IL1RAPL2: variants seen among roughly 807,000 people sequenced by gnomAD.
IL1RAPL2 encodes X-linked interleukin-1 receptor accessory protein-like 2.
Under a neutral mutation model 44.1 loss-of-function variants are expected in IL1RAPL2, and 3 were observed. That is an observed-to-expected ratio of 0.07 (90% CI 0.03 to 0.18). The LOEUF is 0.18. Among genes scored for constraint, IL1RAPL2 ranks in the 10% least tolerant of loss-of-function variants. The pLI, the probability that IL1RAPL2 is intolerant of heterozygous loss-of-function variation, is 1.00. For missense variants in IL1RAPL2, 391 were observed against 496.4 expected (o/e 0.79, Z 2.02); for synonymous variants, 181 against 178.8 (o/e 1.01, Z -0.10).
intron 2 of IL1RAPL2, among the ~76,000 whole-genome samples, chrX:105,042,429 A>C (rs2031761002): frequency 9.1e-6 from 1 of 109,723 alleles, no homozygotes; most frequent in Non-Finnish European, 1.9e-5. Flanking sequence ...ATATGAACAG[A>C]CACTTCTCAA....
chrX:104,744,281 A>C (rs1932138436), intron 2 of IL1RAPL2, among the ~76,000 whole-genome samples: 1 of 111,671 alleles, frequency 9.0e-6, no homozygotes, highest in African/African-American at 3.3e-5. Flanking sequence ...GAATGCATTT[A>C]AATATTTATG....
intron 2 of IL1RAPL2, among the ~76,000 whole-genome samples, chrX:105,089,791 G>A (rs2032521396): frequency 8.9e-6 from 1 of 111,756 alleles, no homozygotes; most frequent in African/African-American, 3.2e-5. Flanking sequence ...GAAAGAGTAA[G>A]TGTCTTGTCT....
intron 6 of IL1RAPL2, among the ~76,000 whole-genome samples, chrX:105,532,997 C>T (rs1421233187): frequency 9.1e-6 from 1 of 110,147 alleles, no homozygotes; most frequent in Non-Finnish European, 1.9e-5. Flanking sequence ...CGAGACCAGC[C>T]TGGCCAATAT....
intron 2 of IL1RAPL2, among the ~76,000 whole-genome samples, chrX:105,192,985 TA>T (rs1201323317): frequency 8.9e-6 from 1 of 111,733 alleles, no homozygotes; most frequent in African/African-American, 3.3e-5. Flanking sequence ...GTCTGCATGA[TA>T]AAACTAATTG....
In IL1RAPL2 at chrX:105,670,105, GTATATATATATATATATATATATATA is replaced by G. The variant is rs1171872748; in HGVS notation, c.773-47244_773-47219del. ...GTGTGGCTCTATTTCTGGGTTTCCT[GTATATATATATATATATATATATATA>G]TATATATATATATATATCTCCACCA... On this transcript the variant is annotated intron_variant, in intron 6 of 10. Coordinates refer to ENST00000372582, the MANE Select transcript of IL1RAPL2 (RefSeq NM_017416.2). Among the ~76,000 whole-genome samples the G allele has an allele frequency of 2.6e-3, 30 of 11,684 alleles. 1 individual carries two copies. Among genetic ancestry groups the G allele is most frequent in the Non-Finnish European group, 4.1e-3 (21 of 5,177 alleles). 10.1% of individuals were successfully genotyped at this position (11,684 alleles called of 115,157 possible).
intron 5 of IL1RAPL2, among the ~76,000 whole-genome samples, chrX:105,273,906 GAAAT>G (rs1178425146): frequency 8.9e-6 from 1 of 111,738 alleles, no homozygotes; most frequent in Non-Finnish European, 1.9e-5. Context: ...AATTTATAGA[GAAAT>G]AAACTAAAAC....
At chrX:105,660,725 G>T (rs1187287830) in intron 6 of IL1RAPL2, among the ~76,000 whole-genome samples, 1 of 110,470 alleles carries the variant, frequency 9.1e-6, no homozygotes, top group African/African-American at 3.3e-5. Context: ...AAATAACAGG[G>T]TATAAGATAT....
chrX:105,042,838 A>G (rs1299266397), intron 2 of IL1RAPL2, among the ~76,000 whole-genome samples: 6 of 107,923 alleles, frequency 5.6e-5, no homozygotes. Flanking sequence ...CAAATGTCCA[A>G]CAATGATAGA....
At chrX:104,810,381 T>C (rs1932966175) in intron 2 of IL1RAPL2, among the ~76,000 whole-genome samples, 1 of 110,629 alleles carries the variant, frequency 9.0e-6, no homozygotes, top group African/African-American at 3.3e-5. Context: ...AACCTGCACA[T>C]TGTGCACATG....
At chrX:105,539,072 A>G (rs1192950033) in intron 6 of IL1RAPL2, among the ~76,000 whole-genome samples, 2 of 111,440 alleles carry the variant, frequency 1.8e-5, no homozygotes, top group African/African-American at 3.3e-5. Flanking sequence ...TTCCATGCTC[A>G]TGGACTGGAA....
intron 2 of IL1RAPL2, among the ~76,000 whole-genome samples, chrX:104,980,532 A>C (rs2030417908): frequency 8.9e-6 from 1 of 112,603 alleles, no homozygotes; most frequent in African/African-American, 3.2e-5. Context: ...AAAGTTGGCC[A>C]AGACATTATT....
intron 3 of IL1RAPL2, among the ~76,000 whole-genome samples, chrX:105,222,599 G>T (rs1358165280): frequency 8.9e-6 from 1 of 111,896 alleles, no homozygotes; most frequent in Non-Finnish European, 1.9e-5. Flanking sequence ...ACTGGAGTCA[G>T]GAAGACCCAT....
At position 105,766,797 on chromosome X, in the gene IL1RAPL2, G is replaced by GT. The variant is rs200757081; in HGVS notation, c.1364-154dup. Among the ~76,000 whole-genome samples, 370 of 100,972 alleles carry GT rather than the reference G, an allele frequency of 3.7e-3. 1 individual carries two copies. The highest frequency in any genetic ancestry group is 0.011 in the Middle Eastern group (2 of 186). The allele number at this position is 100,972 out of a possible 115,157, so 87.7% of individuals were successfully genotyped here. On this transcript the variant is annotated intron_variant, in intron 10 of 10. Transcript: ENST00000372582. Reference sequence around the variant, plus strand: ...GAAAAGAAAATAACGATTATAAGCAGTTTTTTTTTTTTTCAGTTTTAAGGA... The same window carrying GT: ...GAAAAGAAAATAACGATTATAAGCAGTTTTTTTTTTTTTTCAGTTTTAAGGA...
chrX:105,573,686 G>T (rs1569455312), intron 6 of IL1RAPL2, among the ~76,000 whole-genome samples: 1 of 109,825 alleles, frequency 9.1e-6, no homozygotes, highest in Non-Finnish European at 1.9e-5. Context: ...AGGAAAGGGG[G>T]AAAAATTTTA....
chrX:104,716,040 A>G (rs1425753639), intron 2 of IL1RAPL2, among the ~76,000 whole-genome samples: 1 of 111,549 alleles, frequency 9.0e-6, no homozygotes, highest in Non-Finnish European at 1.9e-5. Context: ...AAACTATACT[A>G]CAAGGCTACA....
chrX:104,853,602 G>C (rs1254869597), intron 2 of IL1RAPL2, among the ~76,000 whole-genome samples: 6 of 97,096 alleles, frequency 6.2e-5, no homozygotes, highest in Non-Finnish European at 1.2e-4. Context: ...AGTTTGTCCA[G>C]AGGATTTGTG....
chrX:104,964,195 T>G (rs950518808), intron 2 of IL1RAPL2, among the ~76,000 whole-genome samples: 1 of 111,555 alleles, frequency 9.0e-6, no homozygotes, highest in Admixed American at 9.6e-5. Context: ...CTCCTTTGTC[T>G]TTGCCTGAAA....
chrX:104,823,035 C>T (rs945772345), intron 2 of IL1RAPL2, among the ~76,000 whole-genome samples: 1 of 111,279 alleles, frequency 9.0e-6, no homozygotes, highest in African/African-American at 3.3e-5. Context: ...AATGGGAGTT[C>T]ATTCATGATT....
intron 2 of IL1RAPL2, among the ~76,000 whole-genome samples, chrX:105,010,764 T>G (rs2031035169): frequency 9.0e-6 from 1 of 111,644 alleles, no homozygotes; most frequent in Non-Finnish European, 1.9e-5. Context: ...AATGAGATAA[T>G]TCTAGAACAC....
Sources: gnomAD v4.1 joint callset for allele counts (sites outside exome capture counted in the v4.1 genomes callset) on GRCh38, gnomAD v4.1.1 for gene constraint, MANE v1.5 for transcripts, NCBI Gene and HGNC (gene_info 2026-07-23, HGNC 2026-07-21) for gene names.